Variants in ST3GAL3 observed in about 807,000 individuals in gnomAD.
ST3GAL3 encodes the protein ST3 beta-galactoside alpha-2,3-sialyltransferase 3, also known as CMP-N-acetylneuraminate-beta-1,4-galactoside alpha-2,3-sialyltransferase.
A neutral mutation model predicts 50.1 loss-of-function variants in ST3GAL3; 21 were observed. The ratio of observed to expected loss-of-function variants is 0.42; its 90% confidence interval spans 0.30 to 0.60. ST3GAL3 has a LOEUF of 0.60. ST3GAL3 is among the 20% of genes least tolerant of loss of function. ST3GAL3 has a pLI of 0.19. For missense variants in ST3GAL3, 353 were observed against 489.4 expected (o/e 0.72, Z 2.63); for synonymous variants, 183 against 190.0 (o/e 0.96, Z 0.30).
At chr1:43,743,515 G>A in intron 2 of ST3GAL3, 1 of 432,720 alleles carries the variant, frequency 2.3e-6, no homozygotes, top group Non-Finnish European at 4.7e-6. Flanking sequence ...GATTGGTTCT[G>A]TGGTGCAGTT....
intron 5 of ST3GAL3, among the ~76,000 whole-genome samples, chr1:43,874,869 A>T (rs955468591): frequency 1.1e-4 from 17 of 152,212 alleles, no homozygotes; most frequent in African/African-American, 3.1e-4. Flanking sequence ...AGAAAGTATG[A>T]GTAGTCATCC....
chr1:43,880,355 T>C, intron 5 of ST3GAL3, among the ~76,000 whole-genome samples: 1 of 152,174 alleles, frequency 6.6e-6, no homozygotes. Context: ...GAGCATTTTC[T>C]CAGGTTCTCC....
intron 2 of ST3GAL3, among the ~76,000 whole-genome samples, chr1:43,764,455 G>T (rs1448371546): frequency 2.6e-5 from 4 of 152,148 alleles, no homozygotes; most frequent in African/African-American, 9.7e-5. Context: ...CTCAGGCCGA[G>T]ATCCAGGGGA....
At chr1:43,903,964 C>T (rs972344758) in intron 9 of ST3GAL3, among the ~76,000 whole-genome samples, 1 of 152,140 alleles carries the variant, frequency 6.6e-6, no homozygotes, top group African/African-American at 2.4e-5. Context: ...GCATAGAGAA[C>T]TTAACTATGT....
chr1:43,799,720 T>C (rs1460987744), intron 3 of ST3GAL3: 3 of 152,170 alleles, frequency 2.0e-5, no homozygotes, highest in African/African-American at 7.2e-5. Flanking sequence ...AGTGAGTATT[T>C]ATGCCCTATC....
intron 2 of ST3GAL3, among the ~76,000 whole-genome samples, chr1:43,759,981 T>C (rs1241555472): frequency 6.6e-6 from 1 of 152,032 alleles, no homozygotes; most frequent in Non-Finnish European, 1.5e-5. Context: ...ATGGGAAAAA[T>C]ACGCATAAAA....
At chr1:43,758,141 A>C (rs551853501) in intron 2 of ST3GAL3, among the ~76,000 whole-genome samples, 1 of 149,444 alleles carries the variant, frequency 6.7e-6, no homozygotes, top group African/African-American at 2.5e-5. Flanking sequence ...ATACTATACT[A>C]TACTCCATTG....
intron 2 of ST3GAL3, among the ~76,000 whole-genome samples, chr1:43,756,138 G>A (rs1688014324): frequency 3.6e-5 from 5 of 139,578 alleles, no homozygotes; most frequent in Admixed American, 7.1e-5. Context: ...GAAAAGAAAA[G>A]GAAAGGAAAA....
chr1:43,884,592 G>A (rs555681354), intron 5 of ST3GAL3, among the ~76,000 whole-genome samples: 1 of 152,320 alleles, frequency 6.6e-6, no homozygotes, highest in South Asian at 2.1e-4. Context: ...AAGGTTCTAG[G>A]AAGGTGGATC....
At chr1:43,877,034 G>A (rs759841642) in intron 5 of ST3GAL3, among the ~76,000 whole-genome samples, 3 of 152,184 alleles carry the variant, frequency 2.0e-5, no homozygotes, top group Non-Finnish European at 4.4e-5. Flanking sequence ...TTGTGGGACA[G>A]TTCTCCCTAT....
intron 2 of ST3GAL3, among the ~76,000 whole-genome samples, chr1:43,754,124 G>C (rs1687180033): frequency 6.6e-6 from 1 of 152,184 alleles, no homozygotes; most frequent in Admixed American, 6.5e-5. Context: ...GTAGTGTTGT[G>C]CTAAGACAGA....
chr1:43,917,619 ATATT>A (rs2082226809), intron 9 of ST3GAL3, among the ~76,000 whole-genome samples: 4 of 73,930 alleles, frequency 5.4e-5, no homozygotes, highest in East Asian at 3.3e-4. Context: ...ATTATATATT[ATATT>A]ATATATAATA....
At chr1:43,726,051 C>A (rs921034957) in intron 1 of ST3GAL3, among the ~76,000 whole-genome samples, 1 of 152,078 alleles carries the variant, frequency 6.6e-6, no homozygotes, top group Non-Finnish European at 1.5e-5. Flanking sequence ...CATAAACTCT[C>A]ATTTAGATGT....
Position 43,892,172 on chromosome 1 carries a change from A to T in ST3GAL3, c.303-2211A>T, listed in dbSNP as rs549748593. Reference sequence around the variant, plus strand: ...TAGCCAGGCTGGTCTCAAACTCCTGACCTCAGGTGATCCGCCTGCCTTGGC... The same window carrying T: ...TAGCCAGGCTGGTCTCAAACTCCTGTCCTCAGGTGATCCGCCTGCCTTGGC... On this transcript the variant is annotated intron_variant, in intron 5 of 11. Coordinates refer to ENST00000347631, the MANE Select transcript of ST3GAL3 (RefSeq NM_006279.5). 4.5e-4 allele frequency among the ~76,000 whole-genome samples: 68 copies of T among 152,284 alleles called. 1 individual carries two copies. Among genetic ancestry groups the T allele is most frequent in the South Asian group, 1.0e-3 (5 of 4,830 alleles).
intron 4 of ST3GAL3, among the ~76,000 whole-genome samples, chr1:43,821,878 C>G (rs2062144786): frequency 6.6e-6 from 1 of 152,192 alleles, no homozygotes; most frequent in African/African-American, 2.4e-5. Flanking sequence ...ATTCAGTTAA[C>G]AGATTTGTTG....
chr1:43,766,677 GT>G (rs1693150867), intron 2 of ST3GAL3, among the ~76,000 whole-genome samples: 1 of 152,106 alleles, frequency 6.6e-6, no homozygotes, highest in African/African-American at 2.4e-5. Context: ...GAGGTGTGGA[GT>G]TTAGATTTAA....
intron 9 of ST3GAL3, among the ~76,000 whole-genome samples, chr1:43,904,203 A>T (rs1046577703): frequency 6.6e-6 from 1 of 152,126 alleles, no homozygotes; most frequent in Admixed American, 6.5e-5. Flanking sequence ...CGTAGGGCAG[A>T]TGGGGCCACC....
At chr1:43,900,057 C>T (rs1297540319) in intron 9 of ST3GAL3, among the ~76,000 whole-genome samples, 1 of 151,728 alleles carries the variant, frequency 6.6e-6, no homozygotes, top group Non-Finnish European at 1.5e-5. Context: ...CCAAGGGAAG[C>T]TCTGTCTCTC....
intron 2 of ST3GAL3, among the ~76,000 whole-genome samples, chr1:43,750,130 T>A (rs1332918379): frequency 6.6e-6 from 1 of 152,114 alleles, no homozygotes; most frequent in South Asian, 2.1e-4. Flanking sequence ...GGAAAGCAAA[T>A]TAAAACCTCA....
Sources: gnomAD v4.1 joint callset for allele counts (sites outside exome capture counted in the v4.1 genomes callset) on GRCh38, gnomAD v4.1.1 for gene constraint, MANE v1.5 for transcripts, NCBI Gene and HGNC (gene_info 2026-07-23, HGNC 2026-07-21) for gene names.